ENTPD5: variants seen among roughly 807,000 people sequenced by gnomAD.
ENTPD5 encodes the protein ectonucleoside triphosphate diphosphohydrolase 5 (inactive), also known as nucleoside diphosphate phosphatase ENTPD5.
Under a neutral mutation model 60.2 loss-of-function variants are expected in ENTPD5, and 49 were observed. The ratio of observed to expected loss-of-function variants is 0.81; its 90% CI spans 0.65 to 1.03. The LOEUF (loss-of-function observed/expected upper bound fraction) is 1.03. Among genes scored for constraint, ENTPD5 ranks in the 50% least tolerant of loss-of-function variants. ENTPD5 has a pLI of 0.00. For synonymous variants in ENTPD5, 187 were observed against 185.4 expected (o/e 1.01, Z -0.07); for missense variants, 480 against 507.6 (o/e 0.95, Z 0.52).
intron 3 of ENTPD5, among the ~76,000 whole-genome samples, chr14:73,998,920 G>C (rs1054975662): frequency 1.3e-5 from 2 of 152,130 alleles, no homozygotes; most frequent in African/African-American, 4.8e-5. Context: ...TAAGGAGTTT[G>C]GACTTTACTC....
downstream of ENTPD5, among the ~76,000 whole-genome samples, chr14:73,957,782 A>G (rs1180596584): frequency 6.6e-6 from 1 of 152,202 alleles, no homozygotes; most frequent in African/African-American, 2.4e-5. Context: ...TCCAGCTGGA[A>G]GAAAATCTTT....
intron 3 of ENTPD5, among the ~76,000 whole-genome samples, chr14:74,004,944 A>T (rs568369022): frequency 6.6e-6 from 1 of 152,258 alleles, no homozygotes; most frequent in African/African-American, 2.4e-5. Flanking sequence ...AGCTGTAACC[A>T]GTATTTGTGT....
intron 3 of ENTPD5, chr14:73,996,393 A>T (rs1270596099): frequency 6.3e-6 from 1 of 159,216 alleles, no homozygotes; most frequent in East Asian, 1.9e-4. Context: ...GCTGCTCAGC[A>T]ACTCATTTCT....
downstream of ENTPD5, chr14:73,961,539 C>T (rs1172803639): frequency 1.2e-6 from 2 of 1,614,166 alleles, no homozygotes; most frequent in Non-Finnish European, 1.7e-6. Flanking sequence ...CCCATCACCT[C>T]AGTACGGCAG....
rs1181470061 is a variant in ENTPD5 at position 73,988,123 on chromosome 14, G to C, written c.-21C>G. 1.3e-6 allele frequency: 2 copies of C among 1,593,606 alleles called. No individual in the cohort carries two copies. Among genetic ancestry groups the C allele is most frequent in the East Asian group, 2.3e-5 (1 of 44,322 alleles). On this transcript the variant is annotated 5_prime_UTR_variant, in exon 4 of 16. Transcript: ENST00000334696. ...GCCATTCTTTTCCCAAGATGTGGCTGGGTGGAGGCTTTTGTTGCAGAAGCA... is the reference window on the plus strand; with the variant it reads ...GCCATTCTTTTCCCAAGATGTGGCTCGGTGGAGGCTTTTGTTGCAGAAGCA...
chr14:74,006,508 C>T (rs1327038419), intron 3 of ENTPD5, among the ~76,000 whole-genome samples: 2 of 151,646 alleles, frequency 1.3e-5, no homozygotes, highest in African/African-American at 4.8e-5. Context: ...TGGTCTCGAT[C>T]TCCTGACCTC....
At chr14:74,007,173 G>A (rs2058702917) in intron 3 of ENTPD5, among the ~76,000 whole-genome samples, 1 of 152,026 alleles carries the variant, frequency 6.6e-6, no homozygotes, top group Non-Finnish European at 1.5e-5. Flanking sequence ...GATCACTTGA[G>A]CCTAGAAGTT....
chr14:73,988,916 C>T (rs887307862), intron 3 of ENTPD5, among the ~76,000 whole-genome samples: 1 of 152,130 alleles, frequency 6.6e-6, no homozygotes, highest in African/African-American at 2.4e-5. Flanking sequence ...CTCTGCCTCC[C>T]GGGTTCATGT....
intron 3 of ENTPD5, among the ~76,000 whole-genome samples, chr14:73,993,485 G>T (rs1238362659): frequency 6.6e-6 from 1 of 152,192 alleles, no homozygotes; most frequent in Non-Finnish European, 1.5e-5. Context: ...AGACAAAATT[G>T]TTTGACCTTT....
intron 3 of ENTPD5, chr14:74,003,572 G>T: frequency 3.2e-6 from 2 of 633,888 alleles, no homozygotes; most frequent in South Asian, 3.0e-5. Context: ...GCATGCTATT[G>T]TGTAGAGCTT....
intron 15 of ENTPD5, among the ~76,000 whole-genome samples, chr14:73,967,553 T>TC (rs1264742916): frequency 1.3e-5 from 2 of 152,110 alleles, no homozygotes; most frequent in Non-Finnish European, 2.9e-5. Flanking sequence ...ATGCCTGTAC[T>TC]CCTGGCACTT....
chr14:73,961,309 G>A (rs199913054), downstream of ENTPD5: 7 of 1,614,174 alleles, frequency 4.3e-6, no homozygotes, highest in African/African-American at 2.7e-5. Flanking sequence ...GCCAAAAGCC[G>A]AGTTCTGTTT....
intron 13 of ENTPD5, among the ~76,000 whole-genome samples, chr14:73,972,364 ACT>A (rs1274306334): frequency 6.6e-5 from 10 of 152,098 alleles, no homozygotes; most frequent in Non-Finnish European, 1.5e-4. Context: ...ACAGAGTGAG[ACT>A]CTGTCTCAAA....
chr14:73,959,063 T>G, downstream of ENTPD5: 1 of 1,614,192 alleles, frequency 6.2e-7, no homozygotes, highest in Non-Finnish European at 8.5e-7. Flanking sequence ...TTGTGGCTAC[T>G]CTGCATTTAT....
chr14:74,013,721 G>A (rs1435498840), intron 2 of ENTPD5, among the ~76,000 whole-genome samples: 2 of 152,136 alleles, frequency 1.3e-5, no homozygotes, highest in African/African-American at 4.8e-5. Context: ...ATCCAGGTCA[G>A]AGCTTTATAC....
chr14:74,015,138 T>G (rs1299694943), intron 2 of ENTPD5, among the ~76,000 whole-genome samples: 1 of 151,994 alleles, frequency 6.6e-6, no homozygotes, highest in Non-Finnish European at 1.5e-5. Flanking sequence ...ATAATATATT[T>G]ATTCAGGATT....
chr14:73,970,491 CA>C (rs914846885), intron 14 of ENTPD5, among the ~76,000 whole-genome samples: 12 of 143,594 alleles, frequency 8.4e-5, no homozygotes, highest in East Asian at 2.0e-4. Context: ...GACTCTGTCT[CA>C]AAAAAAAAAG....
chr14:73,958,157 G>A (rs755821468), downstream of ENTPD5: 41 of 1,613,696 alleles, frequency 2.5e-5, no homozygotes, highest in Admixed American at 3.3e-5. Flanking sequence ...ACCGAGTGAC[G>A]GTTCTCTACA....
At chr14:73,986,087 A>AAG (rs1438934782) in intron 5 of ENTPD5, 10 of 150,362 alleles carry the variant, frequency 6.7e-5, no homozygotes, top group Non-Finnish European at 1.3e-4. Context: ...AAAAAAAAAA[A>AAG]GAAAAAGAAG....
Sources: allele counts gnomAD v4.1 joint callset (sites outside exome capture counted in the v4.1 genomes callset), GRCh38; gene constraint gnomAD v4.1.1; transcripts MANE v1.5; gene names NCBI Gene and HGNC (gene_info 2026-07-23, HGNC 2026-07-21).